PUM3: variants seen among roughly 807,000 people sequenced by gnomAD.
The protein encoded by PUM3 is pumilio homolog 3.
In PUM3, 91 loss-of-function variants were observed where a neutral mutation model predicts 84.0. The ratio of observed to expected loss-of-function variants is 1.08; its 90% CI spans 0.91 to 1.29. The LOEUF (loss-of-function observed/expected upper bound fraction) is 1.29. Among genes scored for constraint, PUM3 ranks in the 50% most tolerant of loss-of-function variants. PUM3 has a pLI of 0.00. For missense variants in PUM3, 1,067 were observed against 767.5 expected, an observed-to-expected ratio of 1.39 and a Z score of -4.61; for synonymous variants, 321 against 266.7, an observed-to-expected ratio of 1.20 and a Z score of -1.98.
At chr9:2,839,282 G>A (rs1032065048) in intron 1 of PUM3, among the ~76,000 whole-genome samples, 6 of 152,282 alleles carry the variant, frequency 3.9e-5, no homozygotes, top group Admixed American at 3.3e-4. Flanking sequence ...ACTTTCCAAA[G>A]TTGGACGATC....
chr9:2,820,142 G>T, intron 12 of PUM3, 44 bp from the exon 13 acceptor site: 2 of 1,155,442 alleles, frequency 1.7e-6, no homozygotes, highest in South Asian at 1.3e-5. Flanking sequence ...CAAGTGCATA[G>T]ATCTTCCCTC....
intron 13 of PUM3, among the ~76,000 whole-genome samples, 188 bp from the exon 14 acceptor site, chr9:2,812,550 AATGAATTG>A (rs939385058): frequency 2.6e-5 from 4 of 152,196 alleles, no homozygotes; most frequent in African/African-American, 9.7e-5. Flanking sequence ...ACAACAAAAA[AATGAATTG>A]ATATCTACAT....
chr9:2,836,583 C>T (rs1816127315), intron 3 of PUM3, among the ~76,000 whole-genome samples: 1 of 152,172 alleles, frequency 6.6e-6, no homozygotes, highest in Non-Finnish European at 1.5e-5. Flanking sequence ...TCAAATCTGT[C>T]ATGTGTGCAC....
At chr9:2,809,388 A>C (rs1821320404) in intron 16 of PUM3, among the ~76,000 whole-genome samples, 1 of 152,092 alleles carries the variant, frequency 6.6e-6, no homozygotes, top group South Asian at 2.1e-4. Flanking sequence ...CTATACATCA[A>C]CTTTTTAATA....
intron 13 of PUM3, among the ~76,000 whole-genome samples, chr9:2,813,090 G>A (rs1821404270): frequency 6.6e-6 from 1 of 152,030 alleles, no homozygotes; most frequent in African/African-American, 2.4e-5. Flanking sequence ...GAAGAGGAGG[G>A]GAAACCAAAT....
At chr9:2,812,754 T>C (rs1821398689) in intron 13 of PUM3, among the ~76,000 whole-genome samples, 1 of 152,186 alleles carries the variant, frequency 6.6e-6, no homozygotes. Context: ...AACAACTCAT[T>C]TGTATTAACT....
Position 2,804,170 on chromosome 9 carries a change from TA to T in PUM3, c.*160del. ...GCTGAGATTTTTAAAAAAGACCATT[TA>T]AAAAAACAATTTATATAAATAGATT... On this transcript the variant is annotated 3_prime_UTR_variant, in exon 18 of 18. Transcript: ENST00000397885. 3 of 659,110 alleles carry T rather than the reference TA, an allele frequency of 4.6e-6. No homozygotes were observed. The highest frequency in any genetic ancestry group is 1.8e-5 in the African/African-American group (1 of 54,286). The allele number at this position is 659,110 out of a possible 1,614,324, so 40.8% of individuals were successfully genotyped here.
chr9:2,837,673 T>C (rs1465320632), intron 2 of PUM3, among the ~76,000 whole-genome samples: 1 of 152,092 alleles, frequency 6.6e-6, no homozygotes, highest in East Asian at 1.9e-4. Flanking sequence ...AACACTGGTG[T>C]CAGTTTGGTA....
At chr9:2,805,826 A>G (rs532063558) in intron 17 of PUM3, among the ~76,000 whole-genome samples, 163 of 152,030 alleles carry the variant, frequency 1.1e-3, no homozygotes, top group Middle Eastern at 3.4e-3. Context: ...TAAGGCCCAG[A>G]AAAGCTGAAT....
chr9:2,836,216 C>G (rs1172367658), intron 3 of PUM3, among the ~76,000 whole-genome samples: 1 of 152,112 alleles, frequency 6.6e-6, no homozygotes, highest in Non-Finnish European at 1.5e-5. Context: ...AAAGCAAGCA[C>G]CAGGACTAGG....
intron 17 of PUM3, among the ~76,000 whole-genome samples, chr9:2,805,728 C>A (rs1586714580): frequency 6.6e-6 from 1 of 152,020 alleles, no homozygotes; most frequent in South Asian, 2.1e-4. Context: ...AGACATAATG[C>A]TAGGCATTTT....
chr9:2,821,175 T>C, intron 12 of PUM3, among the ~76,000 whole-genome samples: 1 of 152,148 alleles, frequency 6.6e-6, no homozygotes, highest in Middle Eastern at 3.2e-3. Context: ...CCAGGTGCGG[T>C]AGCTCACGCC....
intron 12 of PUM3, among the ~76,000 whole-genome samples, chr9:2,822,807 G>A (rs1221202123): frequency 6.7e-6 from 1 of 148,840 alleles, no homozygotes; most frequent in Non-Finnish European, 1.5e-5. Flanking sequence ...TATGAATATT[G>A]AATTATGAAT....
chr9:2,831,016 T>C lies in PUM3; in HGVS notation c.623A>G (p.Glu208Gly), dbSNP rs200887718. 49 of 1,486,150 alleles carry C rather than the reference T, an allele frequency of 3.3e-5. No homozygotes were observed. In the Admixed American group the frequency reaches 8.6e-4, roughly 26 times the overall value. The allele number at this position is 1,486,150 out of a possible 1,614,324, so 92.1% of individuals were successfully genotyped here. ...TCTCGAATATTTGGCTTTACTTAAC[T>C]CAACCAAATCATCTGAAAAACAAAA... ...AFEELRDDLV[E>G]LSKAKYSRNI... Residue 208 changes from glutamate to glycine, a missense_variant, in exon 7 of 18, where the codon GAG becomes GGG. Coordinates refer to ENST00000397885, the MANE Select transcript of PUM3 (RefSeq NM_014878.5).
chr9:2,829,724 G>C lies in PUM3; in HGVS notation c.852+50C>G, dbSNP rs375292051. On this transcript the variant is annotated intron_variant, in intron 8 of 17. Transcript: ENST00000397885. ...ATATAGGGCACCGGAAGTTAAGGAA[G>C]AGCATATCGAAAAGTAAAAATACTA... The C allele has an allele frequency of 6.7e-5, 100 of 1,499,488 alleles. No homozygotes were observed. The African/African-American group carries it at 1.3e-3, about 20-fold the overall frequency. The allele number at this position is 1,499,488 out of a possible 1,614,324, so 92.9% of individuals were successfully genotyped here.
intron 3 of PUM3, among the ~76,000 whole-genome samples, chr9:2,835,947 T>G (rs898612883): frequency 2.6e-5 from 4 of 151,576 alleles, no homozygotes; most frequent in African/African-American, 9.7e-5. Flanking sequence ...AAAACTCCAG[T>G]AGAGAAAGAA....
At chr9:2,827,564 A>G (rs1815857435) in intron 9 of PUM3, among the ~76,000 whole-genome samples, 1 of 152,236 alleles carries the variant, frequency 6.6e-6, no homozygotes, top group South Asian at 2.1e-4. Context: ...TTCACAAAAT[A>G]ATTTTAGCAG....
rs375393196 is a variant in PUM3, at chr9:2,837,412, T to C, written c.83-11A>G. The C allele has an allele frequency of 8.4e-6, 13 of 1,542,526 alleles. No homozygotes were observed. In the African/African-American group the frequency reaches 1.8e-4, roughly 21 times the overall value. Reference sequence around the variant, plus strand: ...TTGAAGAACCAGAATCTAGTGACAATAATAATTATAAGTTCAATGATTCTG... The same window carrying C: ...TTGAAGAACCAGAATCTAGTGACAACAATAATTATAAGTTCAATGATTCTG... On this transcript the variant is annotated splice_polypyrimidine_tract_variant and intron_variant, in intron 2 of 17. Transcript: ENST00000397885.
In PUM3 at chr9:2,833,407, C is replaced by G; in HGVS notation, c.466G>C (p.Val156Leu). 1.3e-6 allele frequency: 2 copies of G among 1,587,616 alleles called. No homozygotes were observed. The highest frequency in any genetic ancestry group is 1.7e-6 in the Non-Finnish European group (2 of 1,158,978). Residue 156 changes from valine to leucine, a missense_variant, in exon 5 of 18, where the codon GTA becomes CTA. Coordinates refer to ENST00000397885, the MANE Select transcript of PUM3 (RefSeq NM_014878.5). ...TTCTGCAAATCACTCATTAACTTTA[C>G]TCTTTTTTCTTTGTCACAGTCTTTT... ...RRKDCDKEKRVKLMSDLQKLI... is the reference protein window; with the variant it reads ...RRKDCDKEKRLKLMSDLQKLI...
Sources: gnomAD v4.1 joint callset for allele counts (sites outside exome capture counted in the v4.1 genomes callset) on GRCh38, gnomAD v4.1.1 for gene constraint, MANE v1.5 for transcripts, NCBI Gene and HGNC (gene_info 2026-07-23, HGNC 2026-07-21) for gene names.